OSBPL2: variants seen among roughly 807,000 people sequenced by gnomAD.
OSBPL2 encodes the protein oxysterol binding protein like 2.
OSBPL2 carries 18 observed loss-of-function variants against 58.4 expected under a neutral mutation model. The observed-to-expected ratio is 0.31, with a 90% CI of 0.21 to 0.46. The LOEUF is 0.46. Among genes scored for constraint, OSBPL2 ranks in the 20% least tolerant of loss-of-function variants. The pLI is 1.00. For missense variants in OSBPL2, 461 were observed against 616.5 expected (o/e 0.75, Z 2.67); for synonymous variants, 221 against 234.1 (o/e 0.94, Z 0.51).
intron 1 of OSBPL2, among the ~76,000 whole-genome samples, chr20:62,241,231 C>T (rs1979706912): frequency 6.6e-6 from 1 of 151,436 alleles, no homozygotes; most frequent in Admixed American, 6.6e-5. Flanking sequence ...AGTGCAGTGG[C>T]GCGAACTCGG....
At chr20:62,272,587 C>G (rs1394939881) in intron 5 of OSBPL2, among the ~76,000 whole-genome samples, 1 of 152,190 alleles carries the variant, frequency 6.6e-6, no homozygotes, top group Admixed American at 6.5e-5. Flanking sequence ...CACCGCACCC[C>G]ATGTGTGTGC....
intron 3 of OSBPL2, among the ~76,000 whole-genome samples, chr20:62,262,148 C>T (rs968863972): frequency 5.4e-5 from 8 of 149,308 alleles, no homozygotes; most frequent in Admixed American, 5.3e-4. Flanking sequence ...GCCGGCCTCA[C>T]ACTCCTGCTC....
At chr20:62,245,562 C>G (rs150319877) in intron 1 of OSBPL2, among the ~76,000 whole-genome samples, 2,356 of 152,320 alleles carry the variant, frequency 0.015, 30 homozygotes, top group Non-Finnish European at 0.023. Context: ...GTTCTGTGCT[C>G]AGAAGGGCTG....
At chr20:62,284,347 T>A in intron 10 of OSBPL2, 178 bp downstream of exon 10, 1 of 643,456 alleles carries the variant, frequency 1.6e-6, no homozygotes, top group Non-Finnish European at 2.7e-6. Flanking sequence ...CCAGTATCAG[T>A]GAGGGGGTTT....
chr20:62,258,341 C>T (rs1981071443), intron 2 of OSBPL2, among the ~76,000 whole-genome samples: 1 of 152,316 alleles, frequency 6.6e-6, no homozygotes, highest in African/African-American at 2.4e-5. Flanking sequence ...ACTCATCTGA[C>T]TTTGTAACTC....
chr20:62,282,535 C>T (rs1982859557), intron 9 of OSBPL2, among the ~76,000 whole-genome samples: 1 of 152,166 alleles, frequency 6.6e-6, no homozygotes, highest in Admixed American at 6.5e-5. Flanking sequence ...AACTAGTCCC[C>T]AATTTAAAAC....
At chr20:62,291,658 G>A (rs558061614) in intron 12 of OSBPL2, 45 bp from the exon 13 acceptor site, 2 of 1,558,458 alleles carry the variant, frequency 1.3e-6, no homozygotes, top group Non-Finnish European at 8.8e-7. Context: ...GCGGGGTGCG[G>A]TTCTAAGGTC....
chr20:62,279,457 G>A lies in OSBPL2; in HGVS notation c.674+118G>A, dbSNP rs1211073910. 2.0e-5 allele frequency: 21 copies of A among 1,046,530 alleles called. No individual in the cohort carries two copies. In the South Asian group the frequency reaches 3.4e-4, roughly 17 times the overall value. 64.8% of individuals were successfully genotyped at this position (1,046,530 alleles called of 1,614,324 possible). A position where few individuals can be genotyped will look rare whatever the true frequency, so the allele number is the denominator to read the frequency against. ...CCCTGTCATTTTTCTCCTGAGGTGG[G>A]GACCTCCCCACAGCAGAAACGTCTT... On this transcript the variant is annotated intron_variant, in intron 7 of 13. Coordinates refer to ENST00000313733, the MANE Select transcript of OSBPL2 (RefSeq NM_144498.4).
chr20:62,264,314 A>G (rs1161134630), intron 4 of OSBPL2, among the ~76,000 whole-genome samples: 1 of 152,136 alleles, frequency 6.6e-6, no homozygotes, highest in Admixed American at 6.6e-5. Flanking sequence ...TCAGGTGCTC[A>G]GGGTTTGGGA....
Position 62,288,503 on chromosome 20 carries a change from G to A in OSBPL2, c.1126-704G>A, listed in dbSNP as rs1172926138. On this transcript the variant is annotated intron_variant, in intron 11 of 13. Coordinates refer to ENST00000313733, the MANE Select transcript of OSBPL2 (RefSeq NM_144498.4). This position sits in a 1 kb window ranked among gnomAD's most constrained non-coding sequence, Gnocchi z 4.8. ...TGGGTGCAGAGGCTGGGAGGCTGTG[G>A]GTGCAGAGGCCGGAGGCTGTGGGTG... Among the ~76,000 whole-genome samples the A allele has an allele frequency of 2.7e-5, 4 of 149,980 alleles. No individual in the cohort carries two copies. Among genetic ancestry groups the A allele is most frequent in the Non-Finnish European group, 5.9e-5 (4 of 67,404 alleles).
At chr20:62,251,037 ATTTT>A (rs35328509) in intron 1 of OSBPL2, among the ~76,000 whole-genome samples, 2 of 97,806 alleles carry the variant, frequency 2.0e-5, no homozygotes, top group East Asian at 5.6e-4. Flanking sequence ...AGAGCAATAG[ATTTT>A]TTTTTTTTTT....
chr20:62,279,910 G>T (rs1450899193), intron 7 of OSBPL2: 1 of 1,283,110 alleles, frequency 7.8e-7, no homozygotes, highest in Non-Finnish European at 1.0e-6. Context: ...TGTGGCAGGG[G>T]TGACTTAGGG....
chr20:62,251,865 C>CTTTTTTTTTT lies in OSBPL2; in HGVS notation c.-128-4170_-128-4161dup, dbSNP rs147891445. 2.9e-4 allele frequency among the ~76,000 whole-genome samples: 12 copies of CTTTTTTTTTT among 41,738 alleles called. 3 individuals are homozygous for CTTTTTTTTTT. Among genetic ancestry groups the CTTTTTTTTTT allele is most frequent in the African/African-American group, 7.5e-4 (7 of 9,290 alleles). 27.4% of individuals were successfully genotyped at this position (41,738 alleles called of 152,430 possible). On this transcript the variant is annotated intron_variant, in intron 1 of 13. Coordinates refer to ENST00000313733, the MANE Select transcript of OSBPL2 (RefSeq NM_144498.4). ...TCAAGCGTCATTTTAATTGGTATGCCTTTTTTTTTTTTTTTTTTTTTTTTT... is the reference window on the plus strand; with the variant it reads ...TCAAGCGTCATTTTAATTGGTATGCCTTTTTTTTTTTTTTTTTTTTTTTTTTTTTTTTTTT...
At chr20:62,251,037 A>T (rs994798440) in intron 1 of OSBPL2, among the ~76,000 whole-genome samples, 19 of 97,808 alleles carry the variant, frequency 1.9e-4, no homozygotes, top group Admixed American at 3.8e-4. Flanking sequence ...AGAGCAATAG[A>T]TTTTTTTTTT....
rs1171102497 is a variant in OSBPL2 at position 62,272,115 on chromosome 20, A to G, written c.259-10A>G. ...CAGCAGTAACCAGCGAGTCTTCCCC[A>G]TCTTTCCAGGAGCTGTCCAAGATCA... On this transcript the variant is annotated splice_polypyrimidine_tract_variant and intron_variant, in intron 4 of 13. Coordinates refer to ENST00000313733, the MANE Select transcript of OSBPL2 (RefSeq NM_144498.4). 3.7e-6 allele frequency: 6 copies of G among 1,613,490 alleles called. No individual in the cohort carries two copies. Among genetic ancestry groups the G allele is most frequent in the East Asian group, 4.5e-5 (2 of 44,888 alleles).
At chr20:62,257,168 C>T (rs187741404) in intron 2 of OSBPL2, among the ~76,000 whole-genome samples, 5 of 152,292 alleles carry the variant, frequency 3.3e-5, no homozygotes, top group East Asian at 3.9e-4. Context: ...GCGATGGCTC[C>T]GTTGGCACCT....
At chr20:62,271,241 C>A (rs1362149869) in intron 4 of OSBPL2, among the ~76,000 whole-genome samples, 1 of 107,444 alleles carries the variant, frequency 9.3e-6, no homozygotes, top group Non-Finnish European at 1.9e-5. Flanking sequence ...TTCCCAGCTT[C>A]CCCCACTAAG....
At position 62,283,364 on chromosome 20, in the gene OSBPL2, C is replaced by T. The variant is rs901874242; in HGVS notation, c.873-682C>T. 4.6e-5 allele frequency among the ~76,000 whole-genome samples: 7 copies of T among 152,120 alleles called. No homozygotes were observed. The East Asian group carries it at 1.2e-3, about 25-fold the overall frequency. On this transcript the variant is annotated intron_variant, in intron 9 of 13. Coordinates refer to ENST00000313733, the MANE Select transcript of OSBPL2 (RefSeq NM_144498.4). ...AGTGACACCGTCCCCTCCTGGGTCC[C>T]GAGTCTGTCAGAGTTGCACTTCCCG...
intron 1 of OSBPL2, among the ~76,000 whole-genome samples, chr20:62,251,914 C>T (rs1210259314): frequency 9.7e-6 from 1 of 103,294 alleles, no homozygotes; most frequent in Admixed American, 1.6e-4. Flanking sequence ...CAGGGTCTTG[C>T]TCTGTCACTC....
Sources: allele counts gnomAD v4.1 joint callset (sites outside exome capture counted in the v4.1 genomes callset), GRCh38; gene constraint gnomAD v4.1.1; non-coding constraint Gnocchi (gnomAD v3.1); transcripts MANE v1.5; gene names NCBI Gene and HGNC (gene_info 2026-07-23, HGNC 2026-07-21).